Variants in BRAF observed in about 807,000 individuals in gnomAD.
BRAF encodes serine/threonine-protein kinase B-raf.
In BRAF, 16 loss-of-function variants were observed where a neutral mutation model predicts 104.6. The observed-to-expected ratio is 0.15, with a 90% CI of 0.10 to 0.23. The LOEUF (loss-of-function observed/expected upper bound fraction) is 0.23. Among genes scored for constraint, BRAF ranks in the 10% least tolerant of loss-of-function variants. The pLI, the probability that BRAF is intolerant of heterozygous loss-of-function variation, is 1.00. For missense variants in BRAF, 541 were observed against 937.3 expected (o/e 0.58, Z 5.52); for synonymous variants, 310 against 341.6 (o/e 0.91, Z 1.02).
chr7:140,852,418 C>T (rs913305890), intron 1 of BRAF, among the ~76,000 whole-genome samples: 1 of 148,298 alleles, frequency 6.7e-6, no homozygotes, highest in African/African-American at 2.5e-5. Context: ...AAAAACCAAA[C>T]AAACAAACAA....
chr7:140,868,507 T>C (rs985664519), intron 1 of BRAF, among the ~76,000 whole-genome samples: 1 of 152,048 alleles, frequency 6.6e-6, no homozygotes, highest in Non-Finnish European at 1.5e-5. Context: ...ATTCCACGTA[T>C]ATAAAATGGT....
intron 14 of BRAF, among the ~76,000 whole-genome samples, chr7:140,758,730 T>C (rs528908274): frequency 9.2e-5 from 14 of 152,318 alleles, no homozygotes; most frequent in South Asian, 2.1e-4. Context: ...GCTAGAATTA[T>C]AGGTGTAAGC....
At chr7:140,857,585 A>G (rs972367409) in intron 1 of BRAF, among the ~76,000 whole-genome samples, 3 of 152,220 alleles carry the variant, frequency 2.0e-5, no homozygotes, top group South Asian at 2.1e-4. Flanking sequence ...GTTTATTAAT[A>G]AGCATATTAG....
At chr7:140,882,754 A>G (rs1813082916) in intron 1 of BRAF, among the ~76,000 whole-genome samples, 1 of 148,206 alleles carries the variant, frequency 6.7e-6, no homozygotes, top group African/African-American at 2.5e-5. Flanking sequence ...GCACTTTGGG[A>G]GGCCGAGGCG....
chr7:140,769,897 T>C (rs1799677703), intron 14 of BRAF, among the ~76,000 whole-genome samples: 1 of 152,176 alleles, frequency 6.6e-6, no homozygotes, highest in African/African-American at 2.4e-5. Flanking sequence ...ATTATATTGT[T>C]TCCTATAATA....
Position 140,924,454 on chromosome 7 carries a change from C to T in BRAF, c.138+112G>A, listed in dbSNP as rs939114693. On this transcript the variant is annotated intron_variant, in intron 1 of 19. Coordinates refer to ENST00000644969, the MANE Select transcript of BRAF (RefSeq NM_001374258.1). This position sits in a 1 kb window ranked among gnomAD's most constrained non-coding sequence, Gnocchi z 4.2. ...CACCTCCCAGCCCGCGGAGCTGGCC[C>T]GAGAAGGTGGCTGAGGGCATCAAGC... is the stretch of plus-strand genomic sequence containing the variant. The T allele has an allele frequency of 1.4e-6, 2 of 1,468,688 alleles. No individual in the cohort carries two copies. The highest frequency in any genetic ancestry group is 4.0e-5 in the Admixed American group (2 of 50,260). The allele number at this position is 1,468,688 out of a possible 1,614,324, so 91.0% of individuals were successfully genotyped here.
chr7:140,831,545 T>C (rs184393253), intron 3 of BRAF, among the ~76,000 whole-genome samples: 3 of 152,292 alleles, frequency 2.0e-5, no homozygotes, highest in Admixed American at 1.3e-4. Flanking sequence ...ATTTGTTCCA[T>C]ATATACAGAA....
intron 2 of BRAF, among the ~76,000 whole-genome samples, chr7:140,846,894 G>A (rs1808613358): frequency 6.6e-6 from 1 of 152,034 alleles, no homozygotes. Context: ...GGTGGCTCAC[G>A]CCTATAATCC....
At position 140,720,772 on chromosome 7, in the gene BRAF, G is replaced by A. The variant is rs937153389; in HGVS notation, c.*5722C>T. 1.1e-5 allele frequency: 12 copies of A among 1,065,786 alleles called. No homozygotes were observed. The highest frequency in any genetic ancestry group is 4.1e-4 in the Middle Eastern group (1 of 2,424). The allele number at this position is 1,065,786 out of a possible 1,614,324, so 66.0% of individuals were successfully genotyped here. ...CAACTCATACTCCACCAAAACACAC[G>A]TGGGTTCAAAAACTTAACACAAAAA... On this transcript the variant is annotated 3_prime_UTR_variant, in exon 20 of 20. Transcript: ENST00000644969.
At chr7:140,796,460 T>C (rs540581515) in intron 7 of BRAF, among the ~76,000 whole-genome samples, 1 of 152,228 alleles carries the variant, frequency 6.6e-6, no homozygotes, top group South Asian at 2.1e-4. Flanking sequence ...AGTAAGTCAC[T>C]TCTGAAACTC....
intron 1 of BRAF, among the ~76,000 whole-genome samples, chr7:140,895,578 C>T (rs1010868117): frequency 6.6e-6 from 1 of 152,186 alleles, no homozygotes; most frequent in Non-Finnish European, 1.5e-5. Flanking sequence ...AGAGCTTCCA[C>T]TCTACCCCTA....
chr7:140,763,514 T>A (rs554042448), intron 14 of BRAF, among the ~76,000 whole-genome samples: 72 of 152,312 alleles, frequency 4.7e-4, no homozygotes, highest in African/African-American at 1.6e-3. Flanking sequence ...GGAGCTGGTT[T>A]TTTGAAAGGA....
chr7:140,815,286 T>C (rs2129051770), intron 3 of BRAF, among the ~76,000 whole-genome samples: 2 of 151,986 alleles, frequency 1.3e-5, no homozygotes, highest in South Asian at 4.2e-4. Context: ...TACAGGTGTC[T>C]GCCACCACGC....
chr7:140,721,075 TAAAA>T lies in BRAF; in HGVS notation c.*5415_*5418del. On this transcript the variant is annotated 3_prime_UTR_variant, in exon 20 of 20. Transcript: ENST00000644969. ...GAGCACTTCTATCTACAGAATTCTTTAAAAAAAAATGCACCTCTAAAAAATGGAT... is the reference window on the plus strand; with the variant it reads ...GAGCACTTCTATCTACAGAATTCTTTAAAAATGCACCTCTAAAAAATGGAT... 1.9e-6 allele frequency: 2 copies of T among 1,053,738 alleles called. No individual in the cohort carries two copies. The highest frequency in any genetic ancestry group is 2.3e-6 in the Non-Finnish European group (2 of 871,210). 65.3% of individuals were successfully genotyped at this position (1,053,738 alleles called of 1,614,324 possible). A position where few individuals can be genotyped will look rare whatever the true frequency, so the allele number is the denominator to read the frequency against.
intron 1 of BRAF, among the ~76,000 whole-genome samples, chr7:140,855,750 T>C (rs1441994015): frequency 6.6e-6 from 1 of 151,972 alleles, no homozygotes; most frequent in Non-Finnish European, 1.5e-5. Context: ...CCACGTACAA[T>C]GGCTCATTCC....
At chr7:140,718,568 G>C (rs1795187782), downstream of BRAF, among the ~76,000 whole-genome samples, 1 of 149,958 alleles carries the variant, frequency 6.7e-6, no homozygotes, top group Non-Finnish European at 1.5e-5. Context: ...GTATTTTTTA[G>C]TAGAGACAGT....
chr7:140,754,116 T>G (rs375383775), intron 15 of BRAF, 71 bp downstream of exon 14: 1 of 1,461,062 alleles, frequency 6.8e-7, no homozygotes, highest in Admixed American at 1.7e-5. Flanking sequence ...TTTTACATAA[T>G]GTGAAGACAA....
intron 1 of BRAF, among the ~76,000 whole-genome samples, chr7:140,914,281 G>A (rs1248167321): frequency 6.6e-6 from 1 of 152,188 alleles, no homozygotes; most frequent in East Asian, 1.9e-4. Flanking sequence ...AGGAGGGGGA[G>A]GAGGATCAAG....
At chr7:140,762,751 G>GCGGCCTTC (rs1050505513) in intron 14 of BRAF, among the ~76,000 whole-genome samples, 4 of 152,106 alleles carry the variant, frequency 2.6e-5, no homozygotes, top group African/African-American at 7.2e-5. Context: ...AGAGGACCCT[G>GCGGCCTTC]CGGCCTTCCG....
Sources: gnomAD v4.1 joint callset for allele counts (sites outside exome capture counted in the v4.1 genomes callset) on GRCh38, gnomAD v4.1.1 for gene constraint, Gnocchi (gnomAD v3.1) non-coding constraint, MANE v1.5 for transcripts, NCBI Gene and HGNC (gene_info 2026-07-23, HGNC 2026-07-21) for gene names.